The following MTPAP variants were observed in gnomAD, a reference collection of about 807,000 sequenced individuals.
The protein encoded by MTPAP is mitochondrial poly(A) polymerase.
Under a neutral mutation model 48.7 loss-of-function variants are expected in MTPAP, and 23 were observed. The ratio of observed to expected loss-of-function variants is 0.47; its 90% CI spans 0.34 to 0.67. The LOEUF is 0.67. Among genes scored for constraint, MTPAP ranks in the 30% least tolerant of loss-of-function variants. The pLI is 0.01. For missense variants in MTPAP, 614 were observed against 694.3 expected (o/e 0.88, Z 1.30); for synonymous variants, 257 against 254.1 (o/e 1.01, Z -0.11).
At chr10:30,329,817 G>A (rs1179426166) in intron 4 of MTPAP, among the ~76,000 whole-genome samples, 1 of 152,060 alleles carries the variant, frequency 6.6e-6, no homozygotes, top group African/African-American at 2.4e-5. Flanking sequence ...AAAGAGGACT[G>A]GTTAAATAAA....
At chr10:30,321,225 C>G (rs1194451318) in intron 6 of MTPAP, among the ~76,000 whole-genome samples, 4 of 151,700 alleles carry the variant, frequency 2.6e-5, no homozygotes, top group Non-Finnish European at 5.9e-5. Flanking sequence ...TTCCCTTAAC[C>G]TATCAAATCT....
rs991531002 is a variant in MTPAP at position 30,312,625 on chromosome 10, C to T, written c.*984G>A. The T allele has an allele frequency of 1.3e-5, 2 of 149,114 alleles. No homozygotes were observed. The highest frequency in any genetic ancestry group is 3.0e-5 in the Non-Finnish European group (2 of 67,236). 9.2% of individuals were successfully genotyped at this position (149,114 alleles called of 1,614,324 possible). On this transcript the variant is annotated 3_prime_UTR_variant, in exon 9 of 9. Transcript: ENST00000263063. ...GAAAATACAGTACTTTCACAGGATG[C>T]AAAATCTGCTTATGTGCAAGGTGGA...
chr10:30,339,906 GGAAA>G, intron 3 of MTPAP: 1 of 355,204 alleles, frequency 2.8e-6, no homozygotes, highest in Non-Finnish European at 5.3e-6. Flanking sequence ...CATTAGGAGG[GGAAA>G]GAAAAAGACA....
intron 1 of MTPAP, 182 bp downstream of exon 1, chr10:30,348,937 C>T (rs1440758304): frequency 2.6e-6 from 2 of 773,900 alleles, no homozygotes; most frequent in African/African-American, 1.7e-5. Flanking sequence ...CTCACTTCTG[C>T]CTCAGCAACG....
At chr10:30,341,248 T>A (rs1228526513) in intron 2 of MTPAP, among the ~76,000 whole-genome samples, 1 of 152,104 alleles carries the variant, frequency 6.6e-6, no homozygotes, top group East Asian at 1.9e-4. Context: ...AGCATTCAAA[T>A]AATGAAATCA....
chr10:30,344,464 T>G (rs901299295), intron 1 of MTPAP, among the ~76,000 whole-genome samples: 1 of 152,202 alleles, frequency 6.6e-6, no homozygotes, highest in African/African-American at 2.4e-5. Flanking sequence ...TATTTAACAA[T>G]ATGGAAGAAT....
chr10:30,322,960 T>C (rs557984918), intron 5 of MTPAP, among the ~76,000 whole-genome samples: 1 of 150,528 alleles, frequency 6.6e-6, no homozygotes, highest in South Asian at 2.1e-4. Context: ...AAACCCCTTC[T>C]CTACTAAAAA....
intron 3 of MTPAP, among the ~76,000 whole-genome samples, chr10:30,338,425 G>A (rs1834757021): frequency 1.3e-5 from 2 of 151,882 alleles, no homozygotes; most frequent in South Asian, 4.2e-4. Context: ...TGTAATCCCA[G>A]CACTTTGGGA....
At position 30,313,422 on chromosome 10, in the gene MTPAP, G is replaced by A. The variant is rs1202890258; in HGVS notation, c.*187C>T. The stretch of plus-strand genomic sequence containing the variant: ...TGATGTTTTAATAAAGTGCCACTGA[G>A]TATCAGACTGATCAAACTGAAAACA... On this transcript the variant is annotated 3_prime_UTR_variant, in exon 9 of 9. Transcript: ENST00000263063. 3.6e-5 allele frequency: 27 copies of A among 754,030 alleles called. No individual in the cohort carries two copies. The highest frequency in any genetic ancestry group is 3.5e-5 in the Non-Finnish European group (16 of 456,450). The allele number at this position is 754,030 out of a possible 1,614,324, so 46.7% of individuals were successfully genotyped here.
At position 30,349,226 on chromosome 10, in the gene MTPAP, CG is replaced by C. The variant is rs1341331491; in HGVS notation, c.49del (p.Arg17GlyfsTer14). The C allele has an allele frequency of 6.2e-7, 1 of 1,602,672 alleles. No homozygotes were observed. The highest frequency in any genetic ancestry group is 8.5e-7 in the Non-Finnish European group (1 of 1,174,128). ...GLLTRLNLCA[R>X]RRTRVQRPIV... Reference sequence around the variant, plus strand: ...AGGCCGCTGGACTCGAGTTCTTCTCCGGGCACACAGGTTCAAACGGGTCAAG... The same window carrying C: ...AGGCCGCTGGACTCGAGTTCTTCTCCGGCACACAGGTTCAAACGGGTCAAG... On this transcript the variant is annotated frameshift_variant, in exon 1 of 9. Transcript: ENST00000263063. LOFTEE classifies it high-confidence loss of function.
chr10:30,341,745 A>G lies in MTPAP; in HGVS notation c.158-105T>C, dbSNP rs1834810060. 3 of 1,169,464 alleles carry G rather than the reference A, an allele frequency of 2.6e-6. No individual in the cohort carries two copies. In the East Asian group the frequency reaches 7.1e-5, roughly 28 times the overall value. 72.4% of individuals were successfully genotyped at this position (1,169,464 alleles called of 1,614,324 possible). On this transcript the variant is annotated intron_variant, in intron 1 of 8. Transcript: ENST00000263063. ...TTCATATATGACTAAAACCAACTTC[A>G]CCTAATCTATTTTTTCTCTTCCTTT...
chr10:30,338,376 C>A (rs1289835718), intron 3 of MTPAP, among the ~76,000 whole-genome samples: 1 of 151,750 alleles, frequency 6.6e-6, no homozygotes, highest in Admixed American at 6.6e-5. Flanking sequence ...GCATTCAACT[C>A]AAAAATAATA....
rs532822694 is a variant in MTPAP at position 30,339,080 on chromosome 10, G to A, written c.555+1146C>T. ...GGAGCTTGAAGTGAGCTGAGATCACGCCACTGCACTCCAGCCTGGGCGACA... is the reference window on the plus strand; with the variant it reads ...GGAGCTTGAAGTGAGCTGAGATCACACCACTGCACTCCAGCCTGGGCGACA... On this transcript the variant is annotated intron_variant, in intron 3 of 8. Transcript: ENST00000263063. 3.9e-5 allele frequency among the ~76,000 whole-genome samples: 6 copies of A among 152,168 alleles called. No individual in the cohort carries two copies. The East Asian group carries it at 9.7e-4, about 25-fold the overall frequency.
At chr10:30,347,101 TTACC>T in intron 1 of MTPAP, among the ~76,000 whole-genome samples, 2 of 152,358 alleles carry the variant, frequency 1.3e-5, no homozygotes, top group South Asian at 4.1e-4. Flanking sequence ...TTAGTTTCTG[TTACC>T]TGTATCAGAA....
At chr10:30,323,556 C>T (rs1840753094) in intron 5 of MTPAP, among the ~76,000 whole-genome samples, 1 of 151,992 alleles carries the variant, frequency 6.6e-6, no homozygotes, top group Admixed American at 6.5e-5. Context: ...GTCGCCCAGG[C>T]TAGAGCGCAA....
intron 1 of MTPAP, among the ~76,000 whole-genome samples, chr10:30,343,471 T>C (rs562482010): frequency 4.5e-4 from 68 of 151,820 alleles, no homozygotes; most frequent in Non-Finnish European, 6.3e-4. Context: ...AAATGATGTA[T>C]AGAAATCAGC....
At chr10:30,345,023 T>C (rs376712815) in intron 1 of MTPAP, among the ~76,000 whole-genome samples, 1 of 152,158 alleles carries the variant, frequency 6.6e-6, no homozygotes, top group Non-Finnish European at 1.5e-5. Context: ...TAGAATTTTC[T>C]CAGGTAGAAG....
chr10:30,340,579 T>C, intron 2 of MTPAP, 129 bp from the exon 3 acceptor site: 6 of 775,670 alleles, frequency 7.7e-6, no homozygotes, highest in Admixed American at 2.1e-5. Context: ...ACAAATGATA[T>C]GATTCTAACA....
In MTPAP at chr10:30,340,296, C is replaced by T. The variant is rs138262385; in HGVS notation, c.485G>A (p.Arg162His). ...TGGCAACTGATTACTTGACCGTACGCGTGACCGTTCAGAAGTCTGGTTTTT... is the reference window on the plus strand; with the variant it reads ...TGGCAACTGATTACTTGACCGTACGTGTGACCGTTCAGAAGTCTGGTTTTT... ...KLKNQTSERS[R>H]VRSSNQLPRS... Residue 162 changes from arginine to histidine, a missense_variant, in exon 3 of 9, where the codon CGC becomes CAC. This residue lies in a region of MTPAP where 114 missense variants were observed against 107.9 expected (regional missense o/e 1.06). Coordinates refer to ENST00000263063, the MANE Select transcript of MTPAP (RefSeq NM_018109.4). The T allele has an allele frequency of 1.5e-5, 24 of 1,614,018 alleles. No homozygotes were observed. In the African/African-American group the frequency reaches 2.1e-4, roughly 14 times the overall value.
Sources: gnomAD v4.1 joint callset for allele counts (sites outside exome capture counted in the v4.1 genomes callset) on GRCh38, gnomAD v4.1.1 for gene constraint, gnomAD v4.1.1 regional missense constraint, MANE v1.5 for transcripts, NCBI Gene and HGNC (gene_info 2026-07-23, HGNC 2026-07-21) for gene names.